The following PYGO1 variants were observed in gnomAD, a reference collection of about 807,000 sequenced individuals.
PYGO1 encodes pygopus homolog 1.
Under a neutral mutation model 29.5 loss-of-function variants are expected in PYGO1, and 6 were observed. That is an observed-to-expected ratio of 0.20 (90% CI 0.11 to 0.40). PYGO1 has a LOEUF of 0.40. PYGO1 is among the 10% of genes least tolerant of loss of function. The pLI is 1.00. For synonymous variants in PYGO1, 186 were observed against 180.5 expected (o/e 1.03, Z -0.24); for missense variants, 515 against 514.9 (o/e 1.00, Z 0.00).
chr15:55,569,966 A>T (rs762277101), intron 1 of PYGO1, among the ~76,000 whole-genome samples: 3 of 152,206 alleles, frequency 2.0e-5, no homozygotes, highest in Non-Finnish European at 4.4e-5. Flanking sequence ...AAATACCTGC[A>T]GCTTTTCCCA....
At chr15:55,587,104 C>A (rs1275733855) in intron 1 of PYGO1, among the ~76,000 whole-genome samples, 1 of 152,176 alleles carries the variant, frequency 6.6e-6, no homozygotes, top group African/African-American at 2.4e-5. Context: ...TAAAAGGCAT[C>A]CCCCAATTTC....
chr15:55,588,945 A>G, upstream of PYGO1: 1 of 1,189,206 alleles, frequency 8.4e-7, no homozygotes. Context: ...TAACGACTTG[A>G]CTCTTCAAGA....
chr15:55,574,058 G>A (rs1242973884), intron 1 of PYGO1, among the ~76,000 whole-genome samples: 3 of 152,176 alleles, frequency 2.0e-5, no homozygotes, highest in Non-Finnish European at 4.4e-5. Flanking sequence ...TTTCTTGGGA[G>A]CACTTCCAGC....
At chr15:55,568,443 G>A (rs1046646278) in intron 1 of PYGO1, among the ~76,000 whole-genome samples, 1 of 150,798 alleles carries the variant, frequency 6.6e-6, no homozygotes, top group African/African-American at 2.4e-5. Flanking sequence ...GTTTTTGAAC[G>A]TTGATTTTGT....
At chr15:55,583,175 T>G (rs896742567) in intron 1 of PYGO1, among the ~76,000 whole-genome samples, 16 of 152,212 alleles carry the variant, frequency 1.1e-4, no homozygotes, top group African/African-American at 3.6e-4. Flanking sequence ...AAGACCTGAT[T>G]TATGACAATA....
intron 1 of PYGO1, among the ~76,000 whole-genome samples, 183 bp downstream of exon 1, chr15:55,587,652 C>T (rs573006473): frequency 6.6e-5 from 10 of 151,982 alleles, no homozygotes; most frequent in African/African-American, 2.4e-4. Flanking sequence ...GCGGATGTCT[C>T]GGGGGCCAGC....
intron 1 of PYGO1, among the ~76,000 whole-genome samples, chr15:55,563,436 G>T (rs1410598028): frequency 7.2e-6 from 1 of 138,524 alleles, no homozygotes; most frequent in Non-Finnish European, 1.5e-5. Context: ...GCACAATCTT[G>T]GCTCACTTCA....
At chr15:55,565,432 G>A (rs1212266339) in intron 1 of PYGO1, among the ~76,000 whole-genome samples, 4 of 151,986 alleles carry the variant, frequency 2.6e-5, no homozygotes, top group East Asian at 1.9e-4. Context: ...GGCCAAGCGC[G>A]GTGGCTCATG....
rs1377565424 is a variant in PYGO1, at chr15:55,547,057, A to C, written c.226T>G (p.Tyr76Asp). 1.9e-6 allele frequency: 3 copies of C among 1,613,366 alleles called. No individual in the cohort carries two copies. Among genetic ancestry groups the C allele is most frequent in the Non-Finnish European group, 2.5e-6 (3 of 1,179,496 alleles). Reference protein sequence around the residue: ...LVAANPFDDNYNTISYKPLPS... With the variant: ...LVAANPFDDNDNTISYKPLPS... The stretch of plus-strand genomic sequence containing the variant: ...AGTGGTTTATAGGAAATAGTATTAT[A>C]GTTGTCATCAAATGGATTAGCAGCC... Residue 76 changes from tyrosine (Y) to aspartate (D), a missense_variant, in exon 3 of 3, where the codon TAT becomes GAT. Tyr to Asp is a radical substitution (Grantham distance 160). Transcript: ENST00000563719.
Position 55,548,997 on chromosome 15 carries a change from TAA to T in PYGO1, c.50-4_50-3del, listed in dbSNP as rs76876528. On this transcript the variant is annotated splice_polypyrimidine_tract_variant and splice_region_variant and intron_variant, in intron 1 of 2. Coordinates refer to ENST00000563719, the MANE Select transcript of PYGO1 (RefSeq NM_001367806.1). Reference sequence around the variant, plus strand: ...ACCCATCCAGTCCACTATCACCACCTAAAAAAAAAAAAATTCAGGTAATATTT... The same window carrying T: ...ACCCATCCAGTCCACTATCACCACCTAAAAAAAAAAATTCAGGTAATATTT... 322 of 1,232,682 alleles carry T rather than the reference TAA, an allele frequency of 2.6e-4. No individual in the cohort carries two copies. The highest frequency in any genetic ancestry group is 7.3e-4 in the Admixed American group (32 of 43,928). The allele number at this position is 1,232,682 out of a possible 1,614,324, so 76.4% of individuals were successfully genotyped here.
chr15:55,545,378 T>C lies in PYGO1; in HGVS notation c.*645A>G, dbSNP rs1381068651. 6.6e-6 allele frequency: 1 copy of C among 152,200 alleles called. No homozygotes were observed. The highest frequency in any genetic ancestry group is 1.5e-5 in the Non-Finnish European group (1 of 68,040). 9.4% of individuals were successfully genotyped at this position (152,200 alleles called of 1,614,324 possible). On this transcript the variant is annotated 3_prime_UTR_variant, in exon 3 of 3. Transcript: ENST00000563719. ...TTCAACTGATCTAATATTAGCAATT[T>C]CATGTGGTACCATCCACAAGTTAAT...
Position 55,544,048 on chromosome 15 carries a change from G to GTT in PYGO1, c.*1973_*1974dup, listed in dbSNP as rs1416093124. 6.6e-6 allele frequency: 1 copy of GTT among 152,088 alleles called. No homozygotes were observed. Among genetic ancestry groups the GTT allele is most frequent in the Non-Finnish European group, 1.5e-5 (1 of 68,002 alleles). 9.4% of individuals were successfully genotyped at this position (152,088 alleles called of 1,614,324 possible). On this transcript the variant is annotated 3_prime_UTR_variant, in exon 3 of 3. Coordinates refer to ENST00000563719, the MANE Select transcript of PYGO1 (RefSeq NM_001367806.1). ...ACACAAAGGAGTACCTAGAAGTATA[G>GTT]TTTATATCATTTTGTTTCCTAAAAT...
chr15:55,568,773 T>A (rs2058968146), intron 1 of PYGO1, among the ~76,000 whole-genome samples: 1 of 152,160 alleles, frequency 6.6e-6, no homozygotes, highest in Non-Finnish European at 1.5e-5. Flanking sequence ...GTTCGATGCC[T>A]AGTTTGCTGA....
At chr15:55,580,819 C>T (rs559216580) in intron 1 of PYGO1, among the ~76,000 whole-genome samples, 63 of 152,244 alleles carry the variant, frequency 4.1e-4, no homozygotes, top group African/African-American at 1.4e-3. Context: ...TTAGACCTAT[C>T]GGGTTGCCTA....
At chr15:55,580,118 T>C (rs2141676682) in intron 1 of PYGO1, among the ~76,000 whole-genome samples, 1 of 152,314 alleles carries the variant, frequency 6.6e-6, no homozygotes, top group Non-Finnish European at 1.5e-5. Context: ...CCTCTGATAA[T>C]GAACTTCTTT....
chr15:55,551,630 T>TA (rs2058879158), intron 1 of PYGO1, among the ~76,000 whole-genome samples: 1 of 151,774 alleles, frequency 6.6e-6, no homozygotes, highest in African/African-American at 2.4e-5. Flanking sequence ...ATCCCACCTC[T>TA]ACATTAAAAT....
At chr15:55,559,415 A>G (rs1457244267) in intron 1 of PYGO1, among the ~76,000 whole-genome samples, 1 of 152,138 alleles carries the variant, frequency 6.6e-6, no homozygotes, top group Non-Finnish European at 1.5e-5. Flanking sequence ...TGTGGAAGAC[A>G]GTGCGGCGAT....
chr15:55,561,720 A>G (rs1027823583), intron 1 of PYGO1, among the ~76,000 whole-genome samples: 64 of 152,252 alleles, frequency 4.2e-4, no homozygotes, highest in African/African-American at 1.5e-3. Context: ...GGATGGATTA[A>G]GACTTAAATG....
chr15:55,571,365 C>T (rs916609447), intron 1 of PYGO1, among the ~76,000 whole-genome samples: 3 of 152,136 alleles, frequency 2.0e-5, no homozygotes, highest in Non-Finnish European at 2.9e-5. Context: ...TCAACTATTT[C>T]GGATATATAC....
Sources: gnomAD v4.1 joint callset for allele counts (sites outside exome capture counted in the v4.1 genomes callset) on GRCh38, gnomAD v4.1.1 for gene constraint, MANE v1.5 for transcripts, NCBI Gene and HGNC (gene_info 2026-07-23, HGNC 2026-07-21) for gene names.